BEST3: variants seen among roughly 807,000 people sequenced by gnomAD.
BEST3 encodes bestrophin 3.
Under a neutral mutation model 47.1 loss-of-function variants are expected in BEST3, and 50 were observed. The ratio of observed to expected loss-of-function variants is 1.06; its 90% CI spans 0.85 to 1.34. The LOEUF is 1.34. Ranked by LOEUF, BEST3 falls within the 40% of genes most tolerant of loss-of-function variation. BEST3 has a pLI of 0.00. For synonymous variants in BEST3, 282 were observed against 298.8 expected (o/e 0.94, Z 0.58); for missense variants, 765 against 817.0 (o/e 0.94, Z 0.78).
intron 4 of BEST3, 74 bp downstream of exon 4, chr12:69,693,600 G>T (rs549058303): frequency 1.2e-5 from 15 of 1,249,398 alleles, no homozygotes; most frequent in African/African-American, 9.0e-5. Context: ...CAAACATAAA[G>T]AATTTTCAAA....
intron 9 of BEST3, among the ~76,000 whole-genome samples, chr12:69,646,447 A>T (rs1237781888): frequency 2.0e-5 from 3 of 148,192 alleles, no homozygotes; most frequent in African/African-American, 7.4e-5. Flanking sequence ...CATGCACCTA[A>T]TTTTTTTTTT....
chr12:69,695,649 C>CT (rs1359508635), intron 2 of BEST3, among the ~76,000 whole-genome samples: 1 of 152,032 alleles, frequency 6.6e-6, no homozygotes, highest in Non-Finnish European at 1.5e-5. Context: ...AAGCATGGAC[C>CT]TTTTTTAAGG....
intron 7 of BEST3, among the ~76,000 whole-genome samples, chr12:69,675,859 A>G (rs1464700215): frequency 6.6e-6 from 1 of 152,192 alleles, no homozygotes; most frequent in African/African-American, 2.4e-5. Flanking sequence ...GGAAAATTTC[A>G]CTGCAACCTG....
intron 4 of BEST3, chr12:69,683,461 C>A (rs531898909): frequency 1.3e-5 from 2 of 152,348 alleles, no homozygotes; most frequent in African/African-American, 4.8e-5. Flanking sequence ...GAACTGCTTA[C>A]GGCATACATG....
At chr12:69,646,417 T>A (rs561683397) in intron 9 of BEST3, among the ~76,000 whole-genome samples, 7 of 152,166 alleles carry the variant, frequency 4.6e-5, no homozygotes, top group Non-Finnish European at 1.0e-4. Flanking sequence ...TTATTTATTT[T>A]TTTCTTTCCT....
At chr12:69,653,599 C>A (rs958864239), downstream of BEST3, 19 of 974,658 alleles carry the variant, frequency 1.9e-5, no homozygotes, top group Middle Eastern at 5.2e-4. Context: ...TGTAAGCACT[C>A]AATAAATGGT....
rs900649520 is a variant in BEST3, at chr12:69,676,958, G to A, written c.825C>T (p.Ile275=). ...AGAAGAAGAATTGTAGGAGGGTGAA[G>A]ATGGGAATGTAAAGATCCAAGTCAT... ...AGHDLDLYIP[I]FTLLQFFFYA... The change falls in exon 7 of 10, where the codon ATC becomes ATT. Residue 275 remains isoleucine (I), a synonymous_variant. Coordinates refer to ENST00000330891, the MANE Select transcript of BEST3 (RefSeq NM_032735.3). The A allele has an allele frequency of 1.9e-6, 3 of 1,613,958 alleles. No individual in the cohort carries two copies. In the African/African-American group the frequency reaches 4.0e-5, roughly 22 times the overall value.
At chr12:69,659,870 A>G (rs1291853223) in intron 9 of BEST3, among the ~76,000 whole-genome samples, 3 of 152,180 alleles carry the variant, frequency 2.0e-5, no homozygotes, top group African/African-American at 7.2e-5. Context: ...CCTATGTATT[A>G]GGGAGAGTCA....
At chr12:69,661,281 T>A (rs898461412) in intron 9 of BEST3, 1 of 152,242 alleles carries the variant, frequency 6.6e-6, no homozygotes, top group Non-Finnish European at 1.5e-5. Flanking sequence ...TGTCTCTCTT[T>A]CTCTGCTCTA....
At position 69,677,288 on chromosome 12, in the gene BEST3, C is replaced by T. The variant is rs763222464; in HGVS notation, c.637-31G>A. 14 of 1,577,992 alleles carry T rather than the reference C, an allele frequency of 8.9e-6. No individual in the cohort carries two copies. In the East Asian group the frequency reaches 2.3e-4, roughly 26 times the overall value. On this transcript the variant is annotated intron_variant, in intron 5 of 9. Coordinates refer to ENST00000330891, the MANE Select transcript of BEST3 (RefSeq NM_032735.3). ...CCAGAAACAGATCAAGCATGATTTA[C>T]TAAGATGACGGGTGTGGTAATAAGT...
At chr12:69,648,727 T>G (rs535424342), downstream of BEST3, among the ~76,000 whole-genome samples, 4 of 152,316 alleles carry the variant, frequency 2.6e-5, no homozygotes, top group African/African-American at 9.6e-5. Context: ...TCATCCAGGA[T>G]TTCACCAATT....
chr12:69,650,408 A>T (rs1449565312), downstream of BEST3, among the ~76,000 whole-genome samples: 1 of 152,236 alleles, frequency 6.6e-6, no homozygotes, highest in Non-Finnish European at 1.5e-5. Context: ...ATGCAAAAGT[A>T]TTGAGGACCT....
chr12:69,665,816 A>C (rs185908626), intron 9 of BEST3, among the ~76,000 whole-genome samples: 6 of 152,146 alleles, frequency 3.9e-5, no homozygotes, highest in Non-Finnish European at 8.8e-5. Context: ...GAATTGAGGA[A>C]TTATATGCGT....
At chr12:69,679,917 G>A (rs1322001117) in intron 4 of BEST3, among the ~76,000 whole-genome samples, 3 of 63,832 alleles carry the variant, frequency 4.7e-5, no homozygotes, top group Non-Finnish European at 1.2e-4. Flanking sequence ...ATGCATGCGT[G>A]TGTGTGTGTG....
intron 9 of BEST3, chr12:69,670,698 A>G (rs1884514002): frequency 1.9e-6 from 1 of 517,712 alleles, no homozygotes; most frequent in East Asian, 2.9e-5. Flanking sequence ...TCAGGGAACT[A>G]TGAGCCACAG....
intron 4 of BEST3, among the ~76,000 whole-genome samples, chr12:69,687,779 T>A (rs980052328): frequency 2.6e-5 from 4 of 151,878 alleles, no homozygotes; most frequent in Non-Finnish European, 5.9e-5. Flanking sequence ...CAGAAACTAT[T>A]TATTTTAGAG....
At chr12:69,651,428 A>G (rs887956929), downstream of BEST3, among the ~76,000 whole-genome samples, 1 of 152,234 alleles carries the variant, frequency 6.6e-6, no homozygotes, top group Non-Finnish European at 1.5e-5. Context: ...TGGGCTCAGT[A>G]GATTCTCAGA....
chr12:69,643,768 C>T (rs1882947780), exon 10 of BEST3: 2 of 715,642 alleles, frequency 2.8e-6, no homozygotes, highest in South Asian at 3.0e-5. Context: ...ATCTTCCACT[C>T]ATTCTTAGGC....
chr12:69,650,104 G>C (rs1283372645), downstream of BEST3, among the ~76,000 whole-genome samples: 2 of 152,198 alleles, frequency 1.3e-5, no homozygotes, highest in East Asian at 3.8e-4. Context: ...TGTGGTTTTT[G>C]GGTCTCTATT....
Sources: allele counts gnomAD v4.1 joint callset (sites outside exome capture counted in the v4.1 genomes callset), GRCh38; gene constraint gnomAD v4.1.1; transcripts MANE v1.5; gene names NCBI Gene and HGNC (gene_info 2026-07-23, HGNC 2026-07-21).